Variants in KATNAL2 observed in about 807,000 individuals in gnomAD.
KATNAL2 encodes katanin p60 ATPase-containing subunit A-like 2.
In KATNAL2, 52 loss-of-function variants were observed where a neutral mutation model predicts 76.3. That is an observed-to-expected ratio of 0.68 (90% CI 0.55 to 0.86). The LOEUF (loss-of-function observed/expected upper bound fraction) is 0.86, where lower values mean the gene tolerates loss of function less well. KATNAL2 is among the 40% of genes least tolerant of loss of function. The pLI is 0.00. For missense variants in KATNAL2, 660 were observed against 668.9 expected, an observed-to-expected ratio of 0.99 and a Z score of 0.15; for synonymous variants, 243 against 244.2, an observed-to-expected ratio of 1.00 and a Z score of 0.05.
At chr18:46,961,304 G>A (rs2059940137) in intron 3 of KATNAL2, among the ~76,000 whole-genome samples, 1 of 151,286 alleles carries the variant, frequency 6.6e-6, no homozygotes, top group African/African-American at 2.4e-5. Flanking sequence ...GTGGGGGTGG[G>A]TAGCAGGAGA....
At chr18:47,083,473 C>T (rs1245882657) in intron 15 of KATNAL2, among the ~76,000 whole-genome samples, 2 of 152,174 alleles carry the variant, frequency 1.3e-5, no homozygotes, top group African/African-American at 4.8e-5. Flanking sequence ...TGCTGGTTGA[C>T]TTACCACCAT....
intron 1 of KATNAL2, among the ~76,000 whole-genome samples, chr18:46,945,401 A>G (rs748718712): frequency 6.6e-6 from 1 of 152,236 alleles, no homozygotes; most frequent in Non-Finnish European, 1.5e-5. Flanking sequence ...CTTAGCAGGC[A>G]ATATAGACTT....
chr18:47,033,902 G>T, intron 3 of KATNAL2: 1 of 1,613,374 alleles, frequency 6.2e-7, no homozygotes, highest in Non-Finnish European at 8.5e-7. Flanking sequence ...ACATGGCTGG[G>T]CACCGTTTTC....
At chr18:47,041,488 T>C (rs1426321701) in intron 3 of KATNAL2, among the ~76,000 whole-genome samples, 1 of 152,232 alleles carries the variant, frequency 6.6e-6, no homozygotes, top group Non-Finnish European at 1.5e-5. Flanking sequence ...TTCCACTTAG[T>C]GATATGCATC....
At chr18:46,920,486 T>G (rs2058475975) in intron 1 of KATNAL2, among the ~76,000 whole-genome samples, 1 of 152,222 alleles carries the variant, frequency 6.6e-6, no homozygotes, top group Non-Finnish European at 1.5e-5. Context: ...ATACTCACTC[T>G]GCCTCTGTAC....
chr18:46,930,856 A>G (rs1168964795), intron 1 of KATNAL2, among the ~76,000 whole-genome samples: 2 of 150,436 alleles, frequency 1.3e-5, no homozygotes, highest in African/African-American at 4.9e-5. Flanking sequence ...TAATCCCAGC[A>G]CTTTGGGAGG....
chr18:46,960,612 T>C (rs1270962193), intron 3 of KATNAL2, among the ~76,000 whole-genome samples: 12 of 152,116 alleles, frequency 7.9e-5, no homozygotes, highest in Non-Finnish European at 2.9e-5. Context: ...AGGAAAAACA[T>C]ATGAAGCTGC....
intron 1 of KATNAL2, among the ~76,000 whole-genome samples, chr18:46,931,296 T>C (rs1044934112): frequency 1.3e-5 from 2 of 149,278 alleles, no homozygotes; most frequent in Non-Finnish European, 3.0e-5. Context: ...TGAGATTCCG[T>C]CTCAAAATAA....
chr18:47,042,315 C>T (rs1470709755), intron 3 of KATNAL2, among the ~76,000 whole-genome samples: 1 of 152,194 alleles, frequency 6.6e-6, no homozygotes, highest in Non-Finnish European at 1.5e-5. Context: ...ACAAGTAGTA[C>T]TTACTATGCT....
intron 15 of KATNAL2, among the ~76,000 whole-genome samples, chr18:47,091,503 T>G (rs1440327172): frequency 6.6e-6 from 1 of 152,236 alleles, no homozygotes; most frequent in African/African-American, 2.4e-5. Context: ...AATTTTTTTA[T>G]ATAAATATAT....
At chr18:47,051,383 A>T (rs1599670825) in intron 4 of KATNAL2, among the ~76,000 whole-genome samples, 1 of 151,904 alleles carries the variant, frequency 6.6e-6, no homozygotes, top group Admixed American at 6.6e-5. Flanking sequence ...GTGAGCCAAG[A>T]TTGTGCCACT....
chr18:47,069,651 G>A, intron 13 of KATNAL2, 51 bp downstream of exon 13: 2 of 1,196,702 alleles, frequency 1.7e-6, no homozygotes, highest in Non-Finnish European at 2.4e-6. Flanking sequence ...GTAATACAGT[G>A]GTACAAAATG....
At chr18:46,930,573 T>C (rs2058875933) in intron 1 of KATNAL2, among the ~76,000 whole-genome samples, 1 of 152,138 alleles carries the variant, frequency 6.6e-6, no homozygotes, top group Non-Finnish European at 1.5e-5. Flanking sequence ...CCCAGCACTA[T>C]GGGAGGCCGA....
At chr18:47,034,685 C>A (rs777399852) in intron 3 of KATNAL2, 1 of 1,613,318 alleles carries the variant, frequency 6.2e-7, no homozygotes, top group Non-Finnish European at 8.5e-7. Context: ...TGGCCTCTTC[C>A]GGGTTGCTTC....
intron 15 of KATNAL2, 100 bp from the exon 16 acceptor site, chr18:47,099,143 A>C: frequency 8.4e-7 from 1 of 1,190,496 alleles, no homozygotes; most frequent in Admixed American, 2.2e-5. Context: ...GTTAAAATGC[A>C]GAATTGCTTC....
intron 5 of KATNAL2, among the ~76,000 whole-genome samples, chr18:47,053,258 G>T (rs2061386127): frequency 6.6e-6 from 1 of 152,146 alleles, no homozygotes; most frequent in African/African-American, 2.4e-5. Flanking sequence ...ATTTGTTTGA[G>T]AAAATGTGTT....
chr18:46,957,205 C>T (rs1293744449), intron 3 of KATNAL2, among the ~76,000 whole-genome samples: 1 of 148,434 alleles, frequency 6.7e-6, no homozygotes, highest in Non-Finnish European at 1.5e-5. Context: ...CGGGGTGAGA[C>T]TAACGTTTGA....
At chr18:47,063,178 T>C in intron 9 of KATNAL2, 106 bp from the exon 10 acceptor site, 1 of 1,422,274 alleles carries the variant, frequency 7.0e-7, no homozygotes, top group Non-Finnish European at 9.9e-7. Flanking sequence ...TTAAAGGCCA[T>C]AGCCACCTGC....
Position 46,942,687 on chromosome 18 carries a change from C to T in KATNAL2, c.-509-3370C>T, listed in dbSNP as rs1006748709. The stretch of plus-strand genomic sequence containing the variant: ...ATCTTCTATCTGTCTCCTCATTATG[C>T]TCATAGTTTTCCTTTCTTGATTACA... On this transcript the variant is annotated intron_variant, in intron 1 of 17. Coordinates refer to ENST00000683218, the MANE Select transcript of KATNAL2 (RefSeq NM_001387690.1). 2.7e-4 allele frequency among the ~76,000 whole-genome samples: 41 copies of T among 152,158 alleles called. 1 individual carries two copies. The highest frequency in any genetic ancestry group is 9.7e-4 in the African/African-American group (40 of 41,430).
Sources: gnomAD v4.1 joint callset for allele counts (sites outside exome capture counted in the v4.1 genomes callset) on GRCh38, gnomAD v4.1.1 for gene constraint, MANE v1.5 for transcripts, NCBI Gene and HGNC (gene_info 2026-07-23, HGNC 2026-07-21) for gene names.